SCAPER: variants seen among roughly 807,000 people sequenced by gnomAD.
SCAPER encodes S phase cyclin A-associated protein in the endoplasmic reticulum.
In SCAPER, 98 loss-of-function variants were observed where a neutral mutation model predicts 182.2. That is an observed-to-expected ratio of 0.54 (90% CI 0.46 to 0.64). The LOEUF (loss-of-function observed/expected upper bound fraction) is 0.64. Ranked by LOEUF, SCAPER falls within the 30% of genes least tolerant of loss-of-function variation. The pLI, the probability that SCAPER is intolerant of heterozygous loss-of-function variation, is 0.00. For synonymous variants in SCAPER, 605 were observed against 564.6 expected (o/e 1.07, Z -1.01); for missense variants, 1,432 against 1,690.0 (o/e 0.85, Z 2.68).
intron 5 of SCAPER, among the ~76,000 whole-genome samples, chr15:76,841,321 G>C (rs376350309): frequency 1.3e-5 from 2 of 152,100 alleles, no homozygotes; most frequent in Non-Finnish European, 2.9e-5. Context: ...AAAGCATACA[G>C]AATTTATTAC....
intron 21 of SCAPER, among the ~76,000 whole-genome samples, chr15:76,635,124 C>A (rs1255242762): frequency 1.3e-5 from 2 of 152,030 alleles, no homozygotes; most frequent in Non-Finnish European, 2.9e-5. Context: ...TTAATGAAAA[C>A]AAGGTAATTA....
At position 76,404,557 on chromosome 15, in the gene SCAPER, G is replaced by T; in HGVS notation, c.3434C>A (p.Ala1145Glu). The T allele has an allele frequency of 6.2e-7, 1 of 1,613,262 alleles. No homozygotes were observed. The highest frequency in any genetic ancestry group is 8.5e-7 in the Non-Finnish European group (1 of 1,179,590). The part of the protein sequence containing the change: ...FLQHAAGLLH[A>E]MCTLCFAVTG... ...GACAGCAAAGCACAGTGTACACATT[G>T]CATGTAAGAGTCCTGCGGCATGCTG... The change falls in exon 27 of 32, where the codon GCA becomes GAA. Residue 1145 changes from alanine (A) to glutamate (E), a missense_variant. This residue lies in a region of SCAPER where 718 missense variants were observed against 799.7 expected (regional missense o/e 0.90). Transcript: ENST00000563290.
intron 28 of SCAPER, among the ~76,000 whole-genome samples, chr15:76,378,791 C>T (rs2042741314): frequency 6.6e-6 from 1 of 152,146 alleles, no homozygotes; most frequent in African/African-American, 2.4e-5. Flanking sequence ...TAGGACACTC[C>T]CACTCAGAAT....
At chr15:76,566,243 G>A (rs2047027948) in intron 23 of SCAPER, among the ~76,000 whole-genome samples, 1 of 152,136 alleles carries the variant, frequency 6.6e-6, no homozygotes, top group Non-Finnish European at 1.5e-5. Context: ...ATCGGTGAAT[G>A]GAATTTTACA....
chr15:76,774,869 C>A lies in SCAPER; in HGVS notation c.1021G>T (p.Ala341Ser). The A allele has an allele frequency of 6.2e-7, 1 of 1,609,128 alleles. No individual in the cohort carries two copies. The highest frequency in any genetic ancestry group is 8.5e-7 in the Non-Finnish European group (1 of 1,178,094). Reference protein sequence around the residue: ...DSLHSCDHPLAEKTQFTVSTL... With the variant: ...DSLHSCDHPLSEKTQFTVSTL... ...GAATGTACTACCTGGGTTTTTTCGG[C>A]AAGAGGATGGTCACAAGAGTGTAAT... Residue 341 changes from alanine (A) to serine (S), a missense_variant, in exon 9 of 32, where the codon GCC becomes TCC. Ala to Ser is a moderately conservative substitution (Grantham distance 99). This residue lies in a region of SCAPER where 480 missense variants were observed against 510.2 expected (regional missense o/e 0.94). Coordinates refer to ENST00000563290, the MANE Select transcript of SCAPER (RefSeq NM_020843.4).
chr15:76,580,594 A>AT (rs1435209027), intron 22 of SCAPER, among the ~76,000 whole-genome samples: 1 of 152,156 alleles, frequency 6.6e-6, no homozygotes, highest in African/African-American at 2.4e-5. Flanking sequence ...ATCTCCACAC[A>AT]TAAAAAAAAA....
At chr15:76,742,075 A>G (rs968128213) in intron 15 of SCAPER, among the ~76,000 whole-genome samples, 10 of 152,098 alleles carry the variant, frequency 6.6e-5, no homozygotes, top group Non-Finnish European at 1.3e-4. Flanking sequence ...AGAGAAAATT[A>G]AGATAGTGCA....
intron 26 of SCAPER, among the ~76,000 whole-genome samples, chr15:76,427,458 A>G (rs1191646091): frequency 1.3e-5 from 2 of 152,226 alleles, no homozygotes; most frequent in Non-Finnish European, 2.9e-5. Flanking sequence ...AGGTATACGA[A>G]AAAATGCTCA....
chr15:76,721,649 G>C (rs2060250624), intron 17 of SCAPER, among the ~76,000 whole-genome samples: 1 of 152,026 alleles, frequency 6.6e-6, no homozygotes, highest in African/African-American at 2.4e-5. Flanking sequence ...CACGTCCCTT[G>C]TAAGGTGGAT....
chr15:76,535,359 T>TA lies in SCAPER; in HGVS notation c.2839-30386dup, dbSNP rs1385110488. Among the ~76,000 whole-genome samples, 110 of 150,736 alleles carry TA rather than the reference T, an allele frequency of 7.3e-4. No homozygotes were observed. The East Asian group carries it at 9.6e-3, about 13-fold the overall frequency. ...TAACACGGTGAGACCCTGTCTCTACTAAAAAAACAAAAATTAGCCAGGCGT... is the reference window on the plus strand; with the variant it reads ...TAACACGGTGAGACCCTGTCTCTACTAAAAAAAACAAAAATTAGCCAGGCGT... On this transcript the variant is annotated intron_variant, in intron 23 of 31. Coordinates refer to ENST00000563290, the MANE Select transcript of SCAPER (RefSeq NM_020843.4).
chr15:76,870,534 A>T (rs2072638772), intron 2 of SCAPER, among the ~76,000 whole-genome samples: 1 of 152,092 alleles, frequency 6.6e-6, no homozygotes, highest in South Asian at 2.1e-4. Flanking sequence ...AACTGAAAAT[A>T]AAAGGATTGA....
intron 14 of SCAPER, among the ~76,000 whole-genome samples, chr15:76,755,987 C>G (rs898400991): frequency 6.6e-6 from 1 of 152,170 alleles, no homozygotes; most frequent in African/African-American, 2.4e-5. Flanking sequence ...GGAGCAGTGG[C>G]TCACGCCTGT....
intron 11 of SCAPER, 129 bp from the exon 12 acceptor site, chr15:76,765,767 GA>G: frequency 1.3e-5 from 10 of 758,814 alleles, no homozygotes; most frequent in Admixed American, 2.5e-5. Flanking sequence ...TGAAAACCAG[GA>G]AAAAGGTACC....
intron 9 of SCAPER, among the ~76,000 whole-genome samples, chr15:76,774,002 GAACA>G (rs1454128145): frequency 2.0e-5 from 3 of 151,696 alleles, no homozygotes; most frequent in Non-Finnish European, 2.9e-5. Flanking sequence ...TCAACTCACA[GAACA>G]AATACTGGGA....
chr15:76,439,039 T>C (rs2047385243), intron 25 of SCAPER, among the ~76,000 whole-genome samples: 1 of 152,100 alleles, frequency 6.6e-6, no homozygotes, highest in East Asian at 1.9e-4. Context: ...AATTTCAAAA[T>C]TGCCAGAATT....
chr15:76,516,677 G>A (rs1446947238), intron 23 of SCAPER, among the ~76,000 whole-genome samples: 1 of 152,112 alleles, frequency 6.6e-6, no homozygotes, highest in Non-Finnish European at 1.5e-5. Context: ...ATAAACATAT[G>A]TGTGCATGTG....
At chr15:76,462,909 C>T (rs1475089595) in intron 25 of SCAPER, among the ~76,000 whole-genome samples, 1 of 152,100 alleles carries the variant, frequency 6.6e-6, no homozygotes, top group African/African-American at 2.4e-5. Context: ...CCTGAATTTG[C>T]ATCCCAGTTA....
chr15:76,759,217 G>C (rs571640756), intron 14 of SCAPER, among the ~76,000 whole-genome samples: 2 of 152,238 alleles, frequency 1.3e-5, no homozygotes, highest in African/African-American at 4.8e-5. Context: ...TATATGGGCG[G>C]TCTTAGTCTG....
intron 23 of SCAPER, among the ~76,000 whole-genome samples, chr15:76,529,033 G>A (rs2144500420): frequency 1.3e-5 from 2 of 152,308 alleles, no homozygotes; most frequent in Middle Eastern, 6.8e-3. Context: ...GGATTTATGT[G>A]CTCTTATAGA....
Sources: gnomAD v4.1 joint callset for allele counts (sites outside exome capture counted in the v4.1 genomes callset) on GRCh38, gnomAD v4.1.1 for gene constraint, gnomAD v4.1.1 regional missense constraint, MANE v1.5 for transcripts, NCBI Gene and HGNC (gene_info 2026-07-23, HGNC 2026-07-21) for gene names.